The following LRBA variants were observed in gnomAD, a reference collection of about 807,000 sequenced individuals.
The protein encoded by LRBA is LPS responsive beige-like anchor protein.
Under a neutral mutation model 330.0 loss-of-function variants are expected in LRBA, and 176 were observed. The observed-to-expected ratio is 0.53, with a 90% CI of 0.47 to 0.60. LRBA has a LOEUF of 0.60. Ranked by LOEUF, LRBA falls within the 20% of genes least tolerant of loss-of-function variation. The pLI is 0.00. For missense variants in LRBA, 3,259 were observed against 3,444.8 expected (o/e 0.95, Z 1.35); for synonymous variants, 1,230 against 1,193.0 (o/e 1.03, Z -0.64).
chr4:150,439,603 C>T (rs573136290), intron 44 of LRBA, among the ~76,000 whole-genome samples: 11 of 152,250 alleles, frequency 7.2e-5, no homozygotes, highest in East Asian at 1.9e-4. Context: ...TTATACATTA[C>T]GCGAAAGCAC....
intron 46 of LRBA, among the ~76,000 whole-genome samples, chr4:150,435,023 C>A (rs1318501265): frequency 6.6e-6 from 1 of 151,730 alleles, no homozygotes; most frequent in Non-Finnish European, 1.5e-5. Flanking sequence ...AGGAGAGATT[C>A]TGATAGAGGA....
Position 150,321,483 on chromosome 4 carries a change from T to A in LRBA, c.7453-115A>T. On this transcript the variant is annotated intron_variant, in intron 49 of 56. Transcript: ENST00000651943. This position sits in a 1 kb window ranked among gnomAD's most constrained non-coding sequence, Gnocchi z 4.5. ...CAGGAAAAGAAGAGGAAGACCATAT[T>A]AACATGAGTTGTAAGTGGAAGCACA... is the stretch of plus-strand genomic sequence containing the variant. The A allele has an allele frequency of 1.2e-6, 1 of 814,702 alleles. No individual in the cohort carries two copies. The highest frequency in any genetic ancestry group is 1.8e-6 in the Non-Finnish European group (1 of 541,566). 50.5% of individuals were successfully genotyped at this position (814,702 alleles called of 1,614,324 possible). A position where few individuals can be genotyped will look rare whatever the true frequency, so the allele number is the denominator to read the frequency against.
rs1401071773 is a variant in LRBA, at chr4:150,868,282, G to C, written c.2473C>G (p.Leu825Val). The change falls in exon 21 of 57, where the codon CTA (leucine) becomes GTA (valine). Residue 825 changes from leucine to valine, a missense_variant. Leu to Val is a conservative substitution (Grantham distance 32). Transcript: ENST00000651943. ...NPQILKVIAT[L>V]LRNSPQCPES... is the part of the protein sequence containing the mutation. ...GGGCACTGGGGAGAATTTCGAAGTA[G>C]GGTCGCAATTACTTTTAGTATCTCT... 1 of 1,611,366 alleles carries C rather than the reference G, an allele frequency of 6.2e-7. No individual in the cohort carries two copies. The highest frequency in any genetic ancestry group is 1.7e-5 in the Admixed American group (1 of 59,772).
At chr4:150,899,933 C>T (rs1415422871) in intron 14 of LRBA, 116 bp downstream of exon 14, 1 of 640,546 alleles carries the variant, frequency 1.6e-6, no homozygotes, top group Non-Finnish European at 2.5e-6. Flanking sequence ...AAAATTTTGC[C>T]ATAATGGAAT....
chr4:150,422,622 C>T, intron 46 of LRBA: 1 of 594,786 alleles, frequency 1.7e-6, no homozygotes, highest in Non-Finnish European at 3.1e-6. Flanking sequence ...GGACAAGGTT[C>T]CATGAAGAGC....
intron 53 of LRBA, 151 bp from the exon 54 acceptor site, chr4:150,286,185 C>T (rs1748110914): frequency 3.3e-6 from 2 of 611,018 alleles, no homozygotes; most frequent in African/African-American, 3.8e-5. Flanking sequence ...ATCCAAGTTA[C>T]ATACTATAGT....
chr4:150,350,427 G>C (rs992342905), intron 47 of LRBA, among the ~76,000 whole-genome samples: 1 of 152,082 alleles, frequency 6.6e-6, no homozygotes, highest in Non-Finnish European at 1.5e-5. Context: ...AAAATTAGCT[G>C]GGTGTGGTGG....
chr4:150,445,012 TAGAC>T (rs1342076518), intron 44 of LRBA, among the ~76,000 whole-genome samples: 1 of 152,058 alleles, frequency 6.6e-6, no homozygotes, highest in Non-Finnish European at 1.5e-5. Context: ...AACGACCCCA[TAGAC>T]AGTCCAAAAA....
chr4:150,960,344 C>T (rs947977837), intron 2 of LRBA, among the ~76,000 whole-genome samples: 5 of 148,330 alleles, frequency 3.4e-5, no homozygotes, highest in South Asian at 2.1e-4. Flanking sequence ...GCAGGAAATA[C>T]GGAGGACACA....
chr4:150,343,281 C>A (rs1179488539), intron 48 of LRBA, among the ~76,000 whole-genome samples: 1 of 152,182 alleles, frequency 6.6e-6, no homozygotes, highest in African/African-American at 2.4e-5. Flanking sequence ...CAGTCATTAA[C>A]CATCCCTTCT....
chr4:151,003,696 G>A (rs1012609874), intron 2 of LRBA, among the ~76,000 whole-genome samples: 21 of 152,186 alleles, frequency 1.4e-4, no homozygotes, highest in Non-Finnish European at 2.5e-4. Context: ...GGAGGCTGAG[G>A]TGGGAGGATT....
At chr4:150,346,649 T>G (rs572417710) in intron 48 of LRBA, among the ~76,000 whole-genome samples, 6 of 146,826 alleles carry the variant, frequency 4.1e-5, no homozygotes, top group Non-Finnish European at 7.4e-5. Context: ...ATCCCAGCTA[T>G]CCAGGAGACT....
chr4:150,790,288 T>A lies in LRBA; in HGVS notation c.5580+7793A>T, dbSNP rs145002130. 3.3e-3 allele frequency among the ~76,000 whole-genome samples: 501 copies of A among 152,308 alleles called. 3 individuals carry two copies. Among genetic ancestry groups the A allele is most frequent in the African/African-American group, 0.012 (484 of 41,570 alleles). On this transcript the variant is annotated intron_variant, in intron 34 of 56. Coordinates refer to ENST00000651943, the MANE Select transcript of LRBA (RefSeq NM_001364905.1). ...TACCTCAAAGGTTGTGTTTTCTAAA[T>A]CCTAGTGTGCTGGTGAATCCATAGG...
At chr4:150,498,460 A>G (rs562537134) in intron 40 of LRBA, among the ~76,000 whole-genome samples, 4 of 152,316 alleles carry the variant, frequency 2.6e-5, no homozygotes, top group East Asian at 3.9e-4. Flanking sequence ...TTTTTAATTC[A>G]GTTTTTAAAA....
intron 47 of LRBA, among the ~76,000 whole-genome samples, chr4:150,409,659 A>C (rs1482932673): frequency 6.6e-6 from 1 of 152,164 alleles, no homozygotes; most frequent in Non-Finnish European, 1.5e-5. Context: ...ATCATCTTCC[A>C]ACAAAACAAA....
intron 16 of LRBA, among the ~76,000 whole-genome samples, chr4:150,895,803 ATG>A (rs1305746613): frequency 6.6e-6 from 1 of 152,206 alleles, no homozygotes; most frequent in Non-Finnish European, 1.5e-5. Context: ...ATACCCAGTA[ATG>A]GGATGGCTGG....
intron 36 of LRBA, among the ~76,000 whole-genome samples, chr4:150,694,951 A>G (rs1464490047): frequency 6.6e-6 from 1 of 152,168 alleles, no homozygotes; most frequent in Non-Finnish European, 1.5e-5. Flanking sequence ...AGTATATATA[A>G]TATTTGTAAA....
At position 150,490,874 on chromosome 4, in the gene LRBA, G is replaced by T. The variant is rs772035282; in HGVS notation, c.6448+44C>A. 3 of 1,118,044 alleles carry T rather than the reference G, an allele frequency of 2.7e-6. No homozygotes were observed. The Admixed American group carries it at 5.5e-5, about 20-fold the overall frequency. The allele number at this position is 1,118,044 out of a possible 1,614,324, so 69.3% of individuals were successfully genotyped here. On this transcript the variant is annotated intron_variant, in intron 41 of 56. Transcript: ENST00000651943. Reference sequence around the variant, plus strand: ...ATGTTCAAAAATGAAATCTTAAAGAGATGGAAGTTAGCTCTGTAACAACGT... The same window carrying T: ...ATGTTCAAAAATGAAATCTTAAAGATATGGAAGTTAGCTCTGTAACAACGT...
intron 35 of LRBA, 30 bp from the exon 36 acceptor site, chr4:150,735,396 A>G (rs758854053): frequency 7.6e-6 from 10 of 1,308,388 alleles, no homozygotes; most frequent in Admixed American, 3.4e-5. Flanking sequence ...TCAAATAAAT[A>G]TATGTATACA....
Sources: allele counts gnomAD v4.1 joint callset (sites outside exome capture counted in the v4.1 genomes callset), GRCh38; gene constraint gnomAD v4.1.1; non-coding constraint Gnocchi (gnomAD v3.1); transcripts MANE v1.5; gene names NCBI Gene and HGNC (gene_info 2026-07-23, HGNC 2026-07-21).